The following LRRTM4 variants were observed in gnomAD, a reference collection of about 807,000 sequenced individuals.
LRRTM4 encodes leucine-rich repeat transmembrane neuronal protein 4.
In LRRTM4, 25 loss-of-function variants were observed where a neutral mutation model predicts 47.6. The observed-to-expected ratio is 0.53, with a 90% CI of 0.38 to 0.73. LRRTM4 has a LOEUF of 0.73. Among genes scored for constraint, LRRTM4 ranks in the 30% least tolerant of loss-of-function variants. LRRTM4 has a pLI of 0.00. For synonymous variants in LRRTM4, 311 were observed against 269.5 expected (o/e 1.15, Z -1.51); for missense variants, 638 against 713.4 (o/e 0.89, Z 1.20).
At chr2:77,516,648 T>C in intron 3 of LRRTM4, 1 of 982,716 alleles carries the variant, frequency 1.0e-6, no homozygotes, top group Non-Finnish European at 1.2e-6. Flanking sequence ...AATAAAAACA[T>C]CAAGCCTTGT....
intron 3 of LRRTM4, among the ~76,000 whole-genome samples, chr2:77,171,359 C>T (rs556660485): frequency 2.6e-4 from 40 of 152,232 alleles, no homozygotes; most frequent in Non-Finnish European, 1.6e-4. Context: ...TCACTGCAAC[C>T]TCCACCTCCT....
chr2:77,299,323 G>A (rs912221226), intron 3 of LRRTM4, among the ~76,000 whole-genome samples: 17 of 149,948 alleles, frequency 1.1e-4, no homozygotes, highest in Admixed American at 2.7e-4. Context: ...ACATATATAT[G>A]TGTGTATATA....
chr2:77,427,017 T>C (rs1479296545), intron 3 of LRRTM4, among the ~76,000 whole-genome samples: 2 of 151,472 alleles, frequency 1.3e-5, no homozygotes, highest in South Asian at 2.1e-4. Context: ...TCTTGCTCTT[T>C]TGCCAGACTA....
intron 3 of LRRTM4, among the ~76,000 whole-genome samples, chr2:76,930,219 A>G (rs1674725473): frequency 6.6e-6 from 1 of 152,100 alleles, no homozygotes; most frequent in Admixed American, 6.6e-5. Flanking sequence ...CAACTCTATT[A>G]CTGTGATTTC....
At chr2:77,249,153 C>G (rs779639466) in intron 3 of LRRTM4, among the ~76,000 whole-genome samples, 11 of 151,868 alleles carry the variant, frequency 7.2e-5, no homozygotes, top group Non-Finnish European at 2.9e-5. Flanking sequence ...AGTTTGAGAC[C>G]AGCCTGGCCA....
At chr2:77,043,152 C>A (rs190529480) in intron 3 of LRRTM4, among the ~76,000 whole-genome samples, 21 of 151,826 alleles carry the variant, frequency 1.4e-4, no homozygotes, top group Admixed American at 5.3e-4. Context: ...TTGTACGTAT[C>A]TTTCATTGTT....
chr2:77,132,523 G>T (rs1176788), intron 3 of LRRTM4, among the ~76,000 whole-genome samples: 3,368 of 152,204 alleles, frequency 0.022, 66 homozygotes, highest in Admixed American at 0.056. Flanking sequence ...TCTAGAGGCT[G>T]GGAAAGCCAA....
At chr2:77,089,227 A>T (rs1680839311) in intron 3 of LRRTM4, among the ~76,000 whole-genome samples, 1 of 143,156 alleles carries the variant, frequency 7.0e-6, no homozygotes, top group African/African-American at 2.6e-5. Context: ...CAAGTAACCG[A>T]ACCCCTTGTC....
intron 3 of LRRTM4, among the ~76,000 whole-genome samples, chr2:77,318,670 A>G (rs1427341816): frequency 6.6e-6 from 1 of 152,214 alleles, no homozygotes; most frequent in East Asian, 1.9e-4. Context: ...ATGTGGCATG[A>G]ATACTGTTTT....
intron 3 of LRRTM4, among the ~76,000 whole-genome samples, chr2:77,407,705 A>AT (rs533402186): frequency 7.2e-6 from 1 of 139,590 alleles, no homozygotes; most frequent in Admixed American, 7.6e-5. Context: ...TGATATATAT[A>AT]ATATATCATA....
At chr2:77,150,631 A>G (rs1404966148) in intron 3 of LRRTM4, among the ~76,000 whole-genome samples, 1 of 152,192 alleles carries the variant, frequency 6.6e-6, no homozygotes, top group Non-Finnish European at 1.5e-5. Flanking sequence ...CACATATATA[A>G]TATTCTCCGT....
chr2:77,272,570 G>C (rs1330892391), intron 3 of LRRTM4, among the ~76,000 whole-genome samples: 5 of 152,128 alleles, frequency 3.3e-5, no homozygotes, highest in Non-Finnish European at 7.4e-5. Context: ...TTTCAAGATA[G>C]AGATTGCTAT....
intron 3 of LRRTM4, among the ~76,000 whole-genome samples, chr2:77,244,913 G>C (rs970714430): frequency 5.3e-5 from 8 of 152,090 alleles, no homozygotes; most frequent in African/African-American, 1.7e-4. Context: ...TTTGAAAGCA[G>C]ATACTTTCCT....
At chr2:77,057,139 A>T (rs2103789251) in intron 3 of LRRTM4, among the ~76,000 whole-genome samples, 1 of 152,354 alleles carries the variant, frequency 6.6e-6, no homozygotes, top group East Asian at 1.9e-4. Flanking sequence ...ACCTGATACA[A>T]AATTTGCTGA....
chr2:77,318,241 C>T (rs1292410738), intron 3 of LRRTM4, among the ~76,000 whole-genome samples: 12 of 152,122 alleles, frequency 7.9e-5, no homozygotes, highest in African/African-American at 2.9e-4. Flanking sequence ...CTCCTGAACT[C>T]GTGATCCACC....
intron 3 of LRRTM4, among the ~76,000 whole-genome samples, chr2:77,268,246 G>A (rs774129793): frequency 6.6e-6 from 1 of 151,998 alleles, no homozygotes; most frequent in Non-Finnish European, 1.5e-5. Context: ...AATACCCATC[G>A]TATTCCCCTC....
chr2:76,883,261 T>C (rs902337484), intron 3 of LRRTM4, among the ~76,000 whole-genome samples: 3 of 152,218 alleles, frequency 2.0e-5, no homozygotes, highest in African/African-American at 7.2e-5. Context: ...TTAATCAGTC[T>C]GTGCTAGTAT....
chr2:76,917,639 C>A (rs1446770233), intron 3 of LRRTM4, among the ~76,000 whole-genome samples: 3 of 152,070 alleles, frequency 2.0e-5, no homozygotes, highest in African/African-American at 7.2e-5. Flanking sequence ...CCATACTGCA[C>A]ACATGAAGGA....
intron 3 of LRRTM4, among the ~76,000 whole-genome samples, chr2:77,462,166 A>G (rs1443916405): frequency 1.3e-5 from 2 of 152,100 alleles, no homozygotes; most frequent in Non-Finnish European, 2.9e-5. Flanking sequence ...GCCCTATTGT[A>G]ATGGTCAGTT....
Sources: allele counts gnomAD v4.1 joint callset (sites outside exome capture counted in the v4.1 genomes callset), GRCh38; gene constraint gnomAD v4.1.1; transcripts MANE v1.5; gene names NCBI Gene and HGNC (gene_info 2026-07-23, HGNC 2026-07-21).